PRR16: variants seen among roughly 807,000 people sequenced by gnomAD.
PRR16 encodes protein Largen.
PRR16 carries 6 observed loss-of-function variants against 18.2 expected under a neutral mutation model. The observed-to-expected ratio is 0.33, with a 90% CI of 0.18 to 0.65. PRR16 has a LOEUF of 0.65. Ranked by LOEUF, PRR16 falls within the 30% of genes least tolerant of loss-of-function variation. PRR16 has a pLI of 0.74. For synonymous variants in PRR16, 151 were observed against 147.8 expected (o/e 1.02, Z -0.16); for missense variants, 412 against 376.6 (o/e 1.09, Z -0.78).
intron 1 of PRR16, among the ~76,000 whole-genome samples, chr5:120,587,812 T>C (rs1380482635): frequency 6.6e-6 from 1 of 152,208 alleles, no homozygotes; most frequent in Middle Eastern, 3.2e-3. Context: ...TTTAAAGTCT[T>C]ATCATTTAAG....
chr5:120,526,972 T>A (rs1751375581), intron 1 of PRR16, among the ~76,000 whole-genome samples: 1 of 152,178 alleles, frequency 6.6e-6, no homozygotes, highest in African/African-American at 2.4e-5. Context: ...AACTTAGTCA[T>A]CTTGTTTAGC....
intron 1 of PRR16, among the ~76,000 whole-genome samples, chr5:120,489,535 C>T (rs984388026): frequency 6.6e-6 from 1 of 152,072 alleles, no homozygotes; most frequent in Non-Finnish European, 1.5e-5. Context: ...TTATTTTGAG[C>T]CTATGTGTGT....
the PRR16 span, among the ~76,000 whole-genome samples, chr5:120,751,369 A>G: frequency 1.7e-3 from 252 of 152,258 alleles, 2 homozygotes; most frequent in African/African-American, 5.8e-3. Context: ...CATGGTGACT[A>G]TAATAATTTG....
At chr5:120,773,785 C>G in the PRR16 span, among the ~76,000 whole-genome samples, 1 of 151,876 alleles carries the variant, frequency 6.6e-6, no homozygotes, top group Non-Finnish European at 1.5e-5. Context: ...ACACAGATGT[C>G]TAGTTTACTG....
At chr5:120,548,009 A>C (rs549593785) in intron 1 of PRR16, among the ~76,000 whole-genome samples, 6 of 152,244 alleles carry the variant, frequency 3.9e-5, no homozygotes, top group African/African-American at 1.4e-4. Flanking sequence ...TTATAGATTT[A>C]GGATGAGTTT....
At chr5:120,662,581 A>T (rs1756213506) in intron 1 of PRR16, among the ~76,000 whole-genome samples, 1 of 152,028 alleles carries the variant, frequency 6.6e-6, no homozygotes, top group Admixed American at 6.6e-5. Flanking sequence ...TGCACTATGT[A>T]TTCCTTTCTT....
At chr5:120,494,034 C>T (rs541098577) in intron 1 of PRR16, among the ~76,000 whole-genome samples, 2 of 152,224 alleles carry the variant, frequency 1.3e-5, no homozygotes, top group South Asian at 4.1e-4. Context: ...ATTTTTATTT[C>T]TCTACAATAA....
At chr5:120,566,637 A>T (rs558843952) in intron 1 of PRR16, among the ~76,000 whole-genome samples, 8 of 152,326 alleles carry the variant, frequency 5.3e-5, no homozygotes, top group African/African-American at 1.9e-4. Flanking sequence ...AAAGGGAGAA[A>T]CGGAAACACT....
At chr5:120,497,391 T>TTTC in intron 1 of PRR16, among the ~76,000 whole-genome samples, 1 of 142,718 alleles carries the variant, frequency 7.0e-6, no homozygotes, top group Middle Eastern at 3.5e-3. Flanking sequence ...CTGATTTTTT[T>TTTC]TTTTTTTTTT....
intron 1 of PRR16, among the ~76,000 whole-genome samples, chr5:120,517,116 G>A (rs1023440189): frequency 3.6e-4 from 55 of 152,262 alleles, no homozygotes; most frequent in African/African-American, 1.3e-3. Context: ...CTTTTATCCC[G>A]CTGTGCAGGA....
intron 1 of PRR16, among the ~76,000 whole-genome samples, chr5:120,682,880 C>CGGAG (rs1561614195): frequency 6.6e-6 from 1 of 152,060 alleles, no homozygotes; most frequent in Non-Finnish European, 1.5e-5. Flanking sequence ...AAATAACCCT[C>CGGAG]GGAGCATTTA....
intron 1 of PRR16, among the ~76,000 whole-genome samples, chr5:120,556,233 G>GTT (rs34053155): frequency 0.089 from 10,771 of 121,370 alleles, 669 homozygotes; most frequent in African/African-American, 0.14. Flanking sequence ...CAATTTCATT[G>GTT]TTTTTTTTTT....
chr5:120,479,275 A>G (rs571946101), intron 1 of PRR16, among the ~76,000 whole-genome samples: 4 of 152,240 alleles, frequency 2.6e-5, no homozygotes, highest in African/African-American at 9.6e-5. Flanking sequence ...AGGCCTTTTC[A>G]TATGCGTTTT....
chr5:120,776,585 G>C, the PRR16 span, among the ~76,000 whole-genome samples: 334 of 152,120 alleles, frequency 2.2e-3, 1 homozygote, highest in African/African-American at 7.5e-3. Context: ...AAAATAGTTT[G>C]AGCAATTCAC....
chr5:120,749,549 A>G, the PRR16 span, among the ~76,000 whole-genome samples: 1 of 152,140 alleles, frequency 6.6e-6, no homozygotes, highest in Non-Finnish European at 1.5e-5. Flanking sequence ...TTTCAGTTCA[A>G]TGAGAGTATT....
At chr5:120,659,837 T>C (rs1215073111) in intron 1 of PRR16, among the ~76,000 whole-genome samples, 1 of 152,030 alleles carries the variant, frequency 6.6e-6, no homozygotes, top group African/African-American at 2.4e-5. Flanking sequence ...GAATGTACCA[T>C]TGAGCCAGAT....
the PRR16 span, among the ~76,000 whole-genome samples, chr5:120,715,891 G>A: frequency 3.9e-5 from 6 of 152,188 alleles, no homozygotes; most frequent in African/African-American, 9.6e-5. Context: ...TAGAGTAGCC[G>A]TTGAAGCGCC....
intron 1 of PRR16, among the ~76,000 whole-genome samples, chr5:120,633,251 C>T (rs900246073): frequency 2.6e-5 from 4 of 152,052 alleles, no homozygotes; most frequent in Non-Finnish European, 2.9e-5. Context: ...TGAAATACAC[C>T]AAAATAGAAT....
At chr5:120,726,429 A>G in the PRR16 span, among the ~76,000 whole-genome samples, 1 of 152,140 alleles carries the variant, frequency 6.6e-6, no homozygotes, top group East Asian at 1.9e-4. Context: ...TCAATACCCC[A>G]TAGTATTTTG....
Sources: allele counts gnomAD v4.1 joint callset (sites outside exome capture counted in the v4.1 genomes callset), GRCh38; gene constraint gnomAD v4.1.1; transcripts MANE v1.5; gene names NCBI Gene and HGNC (gene_info 2026-07-23, HGNC 2026-07-21).